Variants in CNBD1 observed in about 807,000 individuals in gnomAD.
CNBD1 encodes cyclic nucleotide binding domain containing 1.
Under a neutral mutation model 54.4 loss-of-function variants are expected in CNBD1, and 71 were observed. The observed-to-expected ratio is 1.30, with a 90% CI of 1.08 to 1.59. The LOEUF (loss-of-function observed/expected upper bound fraction) is 1.59, where lower values mean the gene tolerates loss of function less well. CNBD1 is among the 40% of genes most tolerant of loss of function. The pLI is 0.00. For missense variants in CNBD1, 659 were observed against 518.0 expected, an observed-to-expected ratio of 1.27 and a Z score of -2.64; for synonymous variants, 182 against 170.7, an observed-to-expected ratio of 1.07 and a Z score of -0.51.
At chr8:87,229,122 C>A (rs570504092) in intron 5 of CNBD1, among the ~76,000 whole-genome samples, 1 of 152,250 alleles carries the variant, frequency 6.6e-6, no homozygotes, top group African/African-American at 2.4e-5. Flanking sequence ...ACATGGTGCG[C>A]GCACCCACTG....
In CNBD1 at chr8:86,933,486, A is replaced by G. The variant is rs1012494584; in HGVS notation, c.273-6110A>G. ...ACAAGAAAAGCAAGTTACAGAATCC[A>G]TAAGAATCACTTCATTTCTATAAAG... On this transcript the variant is annotated intron_variant, in intron 3 of 10. Coordinates refer to ENST00000518476, the MANE Select transcript of CNBD1 (RefSeq NM_173538.3). 2.4e-4 allele frequency among the ~76,000 whole-genome samples: 37 copies of G among 152,230 alleles called. 1 individual carries two copies. Among genetic ancestry groups the G allele is most frequent in the African/African-American group, 2.4e-5 (1 of 41,470 alleles).
At chr8:87,040,060 A>C (rs1369688081) in intron 4 of CNBD1, among the ~76,000 whole-genome samples, 1 of 141,520 alleles carries the variant, frequency 7.1e-6, no homozygotes, top group East Asian at 2.1e-4. Context: ...TGTTATCTCC[A>C]GGAGCAATTT....
chr8:87,348,563 A>AAG (rs1227009517), intron 8 of CNBD1, among the ~76,000 whole-genome samples: 3 of 152,180 alleles, frequency 2.0e-5, no homozygotes, highest in African/African-American at 7.2e-5. Context: ...GAATCCATTC[A>AAG]GCTAATGGAT....
intron 4 of CNBD1, among the ~76,000 whole-genome samples, chr8:86,958,048 C>A (rs1185147168): frequency 6.6e-6 from 1 of 152,162 alleles, no homozygotes; most frequent in African/African-American, 2.4e-5. Context: ...ACATTAGTTT[C>A]AAAGAATATC....
At chr8:87,317,244 T>C (rs765329419) in intron 8 of CNBD1, among the ~76,000 whole-genome samples, 8 of 151,800 alleles carry the variant, frequency 5.3e-5, no homozygotes, top group Non-Finnish European at 8.8e-5. Flanking sequence ...TGGGGTTTAA[T>C]TCACTCTTAT....
chr8:87,138,281 A>G (rs529968464), intron 4 of CNBD1, among the ~76,000 whole-genome samples: 7 of 152,290 alleles, frequency 4.6e-5, no homozygotes, highest in South Asian at 2.1e-4. Context: ...GTGCAGTACA[A>G]TTTGAGAACT....
At chr8:86,964,993 C>G (rs1402243961) in intron 4 of CNBD1, among the ~76,000 whole-genome samples, 2 of 152,174 alleles carry the variant, frequency 1.3e-5, no homozygotes, top group African/African-American at 4.8e-5. Flanking sequence ...TTCTGTGCCT[C>G]AAGGTGCTTA....
intron 3 of CNBD1, among the ~76,000 whole-genome samples, chr8:86,932,110 G>A (rs1431028854): frequency 2.0e-5 from 3 of 152,008 alleles, no homozygotes; most frequent in East Asian, 1.9e-4. Context: ...CCAAAGTCTC[G>A]GGCTGCAGCT....
intron 5 of CNBD1, among the ~76,000 whole-genome samples, chr8:87,230,727 G>A (rs1411463645): frequency 6.6e-6 from 1 of 152,104 alleles, no homozygotes; most frequent in African/African-American, 2.4e-5. Context: ...ACTCTTCATG[G>A]CATGTTTGGT....
chr8:87,372,037 G>A (rs992509149), intron 10 of CNBD1, among the ~76,000 whole-genome samples: 11 of 151,916 alleles, frequency 7.2e-5, no homozygotes, highest in Admixed American at 5.3e-4. Flanking sequence ...AGGAAAAGAG[G>A]AAGTCAAATT....
chr8:86,867,736 C>A (rs1808384737), intron 1 of CNBD1, among the ~76,000 whole-genome samples: 2 of 152,166 alleles, frequency 1.3e-5, no homozygotes, highest in Middle Eastern at 6.8e-3. Context: ...ATAAAAGTCA[C>A]CATAAAATAA....
intron 4 of CNBD1, among the ~76,000 whole-genome samples, chr8:87,198,347 G>A (rs779584947): frequency 1.2e-4 from 19 of 152,264 alleles, no homozygotes; most frequent in Middle Eastern, 3.4e-3. Context: ...TTCACAGGGC[G>A]TTGTTGTTAT....
At chr8:87,389,587 C>T (rs954277316) in intron 2 of CNBD1, among the ~76,000 whole-genome samples, 14 of 151,912 alleles carry the variant, frequency 9.2e-5, no homozygotes, top group Non-Finnish European at 1.5e-4. Flanking sequence ...AACCACTGCT[C>T]GAAGTAATAA....
At chr8:87,272,037 G>C (rs1387319799) in intron 6 of CNBD1, among the ~76,000 whole-genome samples, 1 of 151,908 alleles carries the variant, frequency 6.6e-6, no homozygotes, top group Admixed American at 6.6e-5. Context: ...GGAGCTGAAA[G>C]AGTGAATCTC....
chr8:87,354,021 G>C (rs1037259275), intron 10 of CNBD1: 13 of 320,666 alleles, frequency 4.1e-5, no homozygotes, highest in Non-Finnish European at 7.5e-5. Flanking sequence ...TATAGAAAGA[G>C]GTGAGGACTT....
intron 4 of CNBD1, among the ~76,000 whole-genome samples, chr8:86,980,229 C>T (rs929436673): frequency 6.6e-6 from 1 of 152,322 alleles, no homozygotes; most frequent in Non-Finnish European, 1.5e-5. Flanking sequence ...TTTCCCAGAC[C>T]TCCAAGGTGC....
chr8:87,046,608 A>T (rs1810195961), intron 4 of CNBD1, among the ~76,000 whole-genome samples: 1 of 152,136 alleles, frequency 6.6e-6, no homozygotes, highest in South Asian at 2.1e-4. Flanking sequence ...CTAGGTTGTG[A>T]TGTGTAAGAG....
At chr8:87,408,302 G>A (rs1807683635) in intron 2 of CNBD1, among the ~76,000 whole-genome samples, 1 of 151,780 alleles carries the variant, frequency 6.6e-6, no homozygotes, top group South Asian at 2.1e-4. Context: ...TTCAAACTGA[G>A]CATTTTCTCC....
At chr8:87,418,526 TA>T (rs1807873832) in intron 2 of CNBD1, among the ~76,000 whole-genome samples, 1 of 151,756 alleles carries the variant, frequency 6.6e-6, no homozygotes, top group African/African-American at 2.4e-5. Flanking sequence ...TTATACAAAT[TA>T]AAAACTTTTA....
Sources: allele counts gnomAD v4.1 joint callset (sites outside exome capture counted in the v4.1 genomes callset), GRCh38; gene constraint gnomAD v4.1.1; transcripts MANE v1.5; gene names NCBI Gene and HGNC (gene_info 2026-07-23, HGNC 2026-07-21).